The following PIEZO2 variants were observed in gnomAD, a reference collection of about 807,000 sequenced individuals.
PIEZO2 encodes piezo-type mechanosensitive ion channel component 2.
In PIEZO2, 172 loss-of-function variants were observed where a neutral mutation model predicts 337.3. The ratio of observed to expected loss-of-function variants is 0.51; its 90% CI spans 0.45 to 0.58. The LOEUF is 0.58. Ranked by LOEUF, PIEZO2 falls within the 20% of genes least tolerant of loss-of-function variation. The pLI is 0.00. For synonymous variants in PIEZO2, 1,251 were observed against 1,228.5 expected, an observed-to-expected ratio of 1.02 and a Z score of -0.38; for missense variants, 3,028 against 3,391.3, an observed-to-expected ratio of 0.89 and a Z score of 2.66.
In PIEZO2 at chr18:10,863,987, G is replaced by T. The variant is rs887922681; in HGVS notation, c.493-6776C>A. Among the ~76,000 whole-genome samples the T allele has an allele frequency of 3.9e-5, 6 of 152,052 alleles. No homozygotes were observed. Among genetic ancestry groups the T allele is most frequent in the Non-Finnish European group, 7.4e-5 (5 of 68,012 alleles). On this transcript the variant is annotated intron_variant, in intron 5 of 55. Transcript: ENST00000674853. The surrounding 1 kb of genome is among the most constrained non-coding windows in gnomAD (Gnocchi z 4.3). ...CCAGCTAAGTGTAGCTGTTCTAAATGATTCACCCTGGTATTCACTCCAAAA... is the reference window on the plus strand; with the variant it reads ...CCAGCTAAGTGTAGCTGTTCTAAATTATTCACCCTGGTATTCACTCCAAAA...
rs547931605 is a variant in PIEZO2, at chr18:11,001,247, T to C, written c.161-21587A>G. Among the ~76,000 whole-genome samples, 2 of 152,270 alleles carry C rather than the reference T, an allele frequency of 1.3e-5. No homozygotes were observed. Among genetic ancestry groups the C allele is most frequent in the East Asian group, 3.9e-4 (2 of 5,174 alleles). On this transcript the variant is annotated intron_variant, in intron 2 of 55. Coordinates refer to ENST00000674853, the MANE Select transcript of PIEZO2 (RefSeq NM_001378183.1). The surrounding 1 kb of genome is among the most constrained non-coding windows in gnomAD (Gnocchi z 5.3). ...ATGGTCTCCAGCTCAGAAGGTACTTTATGGCTTATGGTGGATTTTTATGCA... is the reference window on the plus strand; with the variant it reads ...ATGGTCTCCAGCTCAGAAGGTACTTCATGGCTTATGGTGGATTTTTATGCA...
rs938902836 is a variant in PIEZO2, at chr18:11,100,929, C to T, written c.65-34707G>A. 2.6e-5 allele frequency among the ~76,000 whole-genome samples: 4 copies of T among 152,166 alleles called. No individual in the cohort carries two copies. In the South Asian group the frequency reaches 6.2e-4, roughly 24 times the overall value. ...ACTTTTATAATGCTTCAACAAATGC[C>T]TTTCAATGCCTGGGGTCATACGAAG... On this transcript the variant is annotated intron_variant, in intron 1 of 55. Coordinates refer to ENST00000674853, the MANE Select transcript of PIEZO2 (RefSeq NM_001378183.1).
intron 7 of PIEZO2, among the ~76,000 whole-genome samples, chr18:10,835,111 T>C (rs1003514829): frequency 6.6e-6 from 1 of 152,174 alleles, no homozygotes; most frequent in Non-Finnish European, 1.5e-5. Context: ...AAGAGGGCCC[T>C]TGCCAGGCAC....
chr18:10,857,242 G>T (rs776677708), intron 5 of PIEZO2, 31 bp from the exon 6 acceptor site: 4 of 1,522,668 alleles, frequency 2.6e-6, no homozygotes, highest in Non-Finnish European at 2.6e-6. Flanking sequence ...AAACACTCAA[G>T]TCCAGGAGCC....
At chr18:10,696,595 C>A in intron 45 of PIEZO2, 56 bp from the exon 46 acceptor site, 2 of 1,584,250 alleles carry the variant, frequency 1.3e-6, no homozygotes, top group Non-Finnish European at 1.7e-6. Flanking sequence ...GGCAGGATGG[C>A]AGAAATGACC....
At chr18:10,769,474 T>G (rs536283241) in intron 21 of PIEZO2, among the ~76,000 whole-genome samples, 2 of 152,248 alleles carry the variant, frequency 1.3e-5, no homozygotes, top group Non-Finnish European at 2.9e-5. Flanking sequence ...ATGTAACTTT[T>G]TAAAGATTAT....
At chr18:10,858,769 A>G (rs543995514) in intron 5 of PIEZO2, among the ~76,000 whole-genome samples, 81 of 152,204 alleles carry the variant, frequency 5.3e-4, no homozygotes, top group African/African-American at 1.9e-3. Context: ...GGAGTTGACT[A>G]TTGATGAGCC....
At chr18:11,073,501 G>A (rs2038418709) in intron 1 of PIEZO2, among the ~76,000 whole-genome samples, 1 of 152,182 alleles carries the variant, frequency 6.6e-6, no homozygotes, top group Non-Finnish European at 1.5e-5. Flanking sequence ...ACCCGAGTCA[G>A]CTTGGAGGCA....
At chr18:11,142,519 G>A (rs565665948) in intron 1 of PIEZO2, among the ~76,000 whole-genome samples, 10 of 152,062 alleles carry the variant, frequency 6.6e-5, no homozygotes, top group Non-Finnish European at 1.2e-4. Flanking sequence ...AGTGGCTCAC[G>A]CCTGTAATCC....
At chr18:10,803,771 C>T (rs2039903881) in intron 9 of PIEZO2, 104 bp downstream of exon 9, 2 of 1,372,996 alleles carry the variant, frequency 1.5e-6, no homozygotes, top group South Asian at 1.6e-5. Context: ...CTACAAGCAA[C>T]CTGAATATGA....
intron 3 of PIEZO2, among the ~76,000 whole-genome samples, chr18:10,938,465 G>C (rs2032524005): frequency 6.6e-6 from 1 of 152,164 alleles, no homozygotes; most frequent in African/African-American, 2.4e-5. Flanking sequence ...AGGAAGGAAA[G>C]GCTCATAAAT....
intron 2 of PIEZO2, among the ~76,000 whole-genome samples, chr18:11,023,202 G>C (rs1333929877): frequency 6.6e-6 from 1 of 152,088 alleles, no homozygotes; most frequent in Non-Finnish European, 1.5e-5. Flanking sequence ...TGCTGGCTCG[G>C]GCAGCCTGCT....
At chr18:10,887,913 T>C (rs2042653648) in intron 4 of PIEZO2, among the ~76,000 whole-genome samples, 1 of 152,222 alleles carries the variant, frequency 6.6e-6, no homozygotes. Context: ...CCCACCGTGA[T>C]CACCTAGTCG....
chr18:10,975,719 G>A (rs1010499179), intron 3 of PIEZO2, among the ~76,000 whole-genome samples: 4 of 152,122 alleles, frequency 2.6e-5, no homozygotes, highest in Non-Finnish European at 5.9e-5. Context: ...GACCTTTTGC[G>A]ATAATGAGGG....
chr18:10,759,511 A>G lies in PIEZO2; in HGVS notation c.3728T>C (p.Ile1243Thr), dbSNP rs376185795. 1.9e-4 allele frequency: 290 copies of G among 1,537,162 alleles called. No homozygotes were observed. The highest frequency in any genetic ancestry group is 3.8e-4 in the South Asian group (32 of 84,050). Residue 1243 changes from isoleucine (I) to threonine (T), a missense_variant, in exon 26 of 56, where the codon ATT (isoleucine) becomes ACT (threonine). Ile to Thr is a moderately conservative substitution (Grantham distance 89, BLOSUM62 -1). Coordinates refer to ENST00000674853, the MANE Select transcript of PIEZO2 (RefSeq NM_001378183.1). The surrounding 1 kb of genome is among the most constrained non-coding windows in gnomAD (Gnocchi z 5.5). ...GAGAAACACAGGGTTGGGCCGCACA[A>G]TGAAATCTGGGAAGTACAGCCACTT... The part of the protein sequence containing the change: ...IIKWLYFPDF[I>T]VRPNPVFLVY...
In PIEZO2 at chr18:11,149,569, T is replaced by A. The variant is rs192158212; in HGVS notation, c.-981A>T. ...GCGGCGCGCGCTTCTCCACCTTCAA[T>A]GAAACTTTCGAAGCCCTCACTCGGG... On this transcript the variant is annotated 5_prime_UTR_variant, in exon 1 of 56. Coordinates refer to ENST00000674853, the MANE Select transcript of PIEZO2 (RefSeq NM_001378183.1). This position sits in a 1 kb window ranked among gnomAD's most constrained non-coding sequence, Gnocchi z 8.7. Among the ~76,000 whole-genome samples the A allele has an allele frequency of 2.2e-3, 332 of 151,804 alleles. No individual in the cohort carries two copies. The highest frequency in any genetic ancestry group is 7.4e-3 in the African/African-American group (305 of 41,456).
chr18:10,968,494 G>A (rs2034107055), intron 3 of PIEZO2, among the ~76,000 whole-genome samples: 2 of 152,064 alleles, frequency 1.3e-5, no homozygotes, highest in South Asian at 4.1e-4. Flanking sequence ...GAATGATGGT[G>A]GTATGTTGAT....
Position 10,671,727 on chromosome 18 carries a change from C to G in PIEZO2, c.8398G>C (p.Glu2800Gln). 6.2e-7 allele frequency: 1 copy of G among 1,613,818 alleles called. No homozygotes were observed. The highest frequency in any genetic ancestry group is 8.5e-7 in the Non-Finnish European group (1 of 1,179,914). The stretch of plus-strand genomic sequence containing the variant: ...GAGTGAGAAATCCCACTGAAGAATT[C>G]ACGGACAAATTTCCCAATCACAAGG... ...VVLVIGKFVREFFSGISHSIM... is the reference protein window; with the variant it reads ...VVLVIGKFVRQFFSGISHSIM... The change falls in exon 56 of 56, where the codon GAA (glutamate) becomes CAA (glutamine). Residue 2800 changes from glutamate (E) to glutamine (Q), a missense_variant. Physicochemically the swap from Glu to Gln is conservative, Grantham distance 29. Transcript: ENST00000674853.
At chr18:10,745,766 A>G (rs969024407) in intron 30 of PIEZO2, among the ~76,000 whole-genome samples, 4 of 151,768 alleles carry the variant, frequency 2.6e-5, no homozygotes, top group Admixed American at 1.3e-4. Context: ...ACCTCCTTCA[A>G]TACTATCTGT....
Sources: gnomAD v4.1 joint callset for allele counts (sites outside exome capture counted in the v4.1 genomes callset) on GRCh38, gnomAD v4.1.1 for gene constraint, Gnocchi (gnomAD v3.1) non-coding constraint, MANE v1.5 for transcripts, NCBI Gene and HGNC (gene_info 2026-07-23, HGNC 2026-07-21) for gene names.